Variants in RIMS2 observed in about 807,000 individuals in gnomAD.
RIMS2 encodes the protein regulating synaptic membrane exocytosis protein 2.
Under a neutral mutation model 174.4 loss-of-function variants are expected in RIMS2, and 59 were observed. The ratio of observed to expected loss-of-function variants is 0.34; its 90% CI spans 0.27 to 0.42. The LOEUF is 0.42. Among genes scored for constraint, RIMS2 ranks in the 10% least tolerant of loss-of-function variants. The pLI is 1.00. For missense variants in RIMS2, 1,620 were observed against 1,666.3 expected (o/e 0.97, Z 0.48); for synonymous variants, 606 against 572.5 (o/e 1.06, Z -0.84).
At chr8:103,777,097 A>T (rs2098326670) in intron 3 of RIMS2, among the ~76,000 whole-genome samples, 1 of 152,118 alleles carries the variant, frequency 6.6e-6, no homozygotes, top group African/African-American at 2.4e-5. Flanking sequence ...TGCAACAGTC[A>T]TGTGTATCTT....
intron 17 of RIMS2, among the ~76,000 whole-genome samples, chr8:104,009,235 C>T (rs892690655): frequency 2.7e-5 from 4 of 150,868 alleles, no homozygotes; most frequent in African/African-American, 9.7e-5. Context: ...CAGTTAACGC[C>T]CAGAAAATCT....
chr8:104,120,673 C>G (rs1295283082), intron 19 of RIMS2, among the ~76,000 whole-genome samples: 1 of 151,930 alleles, frequency 6.6e-6, no homozygotes, highest in Non-Finnish European at 1.5e-5. Context: ...ACTTCTTAGA[C>G]AAGTTTTCTG....
At chr8:104,246,243 G>A (rs2140109389) in intron 20 of RIMS2, among the ~76,000 whole-genome samples, 2 of 152,342 alleles carry the variant, frequency 1.3e-5, no homozygotes, top group South Asian at 4.1e-4. Flanking sequence ...TAAGTCATAG[G>A]AGGGAGGGAG....
chr8:104,189,546 A>G (rs997227607), intron 19 of RIMS2, among the ~76,000 whole-genome samples: 3 of 148,604 alleles, frequency 2.0e-5, no homozygotes, highest in African/African-American at 7.3e-5. Context: ...TAAACTGGAT[A>G]GAGAAAGAGA....
chr8:104,050,767 GAA>G (rs1040363262), intron 19 of RIMS2, among the ~76,000 whole-genome samples: 4 of 152,112 alleles, frequency 2.6e-5, no homozygotes, highest in Non-Finnish European at 5.9e-5. Context: ...GAGTTGAAAT[GAA>G]AGAGTACATT....
At chr8:104,222,781 G>A (rs1359097077) in intron 19 of RIMS2, among the ~76,000 whole-genome samples, 1 of 152,126 alleles carries the variant, frequency 6.6e-6, no homozygotes, top group African/African-American at 2.4e-5. Context: ...TAGCCATACT[G>A]GGTAGATTAT....
chr8:103,551,453 A>C (rs966199405), intron 1 of RIMS2, among the ~76,000 whole-genome samples: 1 of 152,162 alleles, frequency 6.6e-6, no homozygotes. Flanking sequence ...TGTATCTCAA[A>C]ATAATAAGAG....
At chr8:103,673,316 CA>C (rs1401141810) in intron 1 of RIMS2, among the ~76,000 whole-genome samples, 1 of 152,190 alleles carries the variant, frequency 6.6e-6, no homozygotes, top group Non-Finnish European at 1.5e-5. Flanking sequence ...GGCAGTGCCC[CA>C]GGGGGGACTC....
chr8:104,014,551 T>C, exon 19 of RIMS2: 1 of 1,613,260 alleles, frequency 6.2e-7, no homozygotes, highest in South Asian at 1.1e-5. Context: ...CATCAAGTAC[T>C]CCAGTCGCAG....
At chr8:103,812,280 T>C (rs1341151956) in intron 3 of RIMS2, among the ~76,000 whole-genome samples, 2 of 151,964 alleles carry the variant, frequency 1.3e-5, no homozygotes, top group Non-Finnish European at 1.5e-5. Flanking sequence ...GAATGTATTG[T>C]ATGGTTCATC....
At chr8:104,122,858 A>G (rs570144472) in intron 19 of RIMS2, among the ~76,000 whole-genome samples, 7 of 152,300 alleles carry the variant, frequency 4.6e-5, no homozygotes, top group African/African-American at 1.4e-4. Flanking sequence ...CTATTACACT[A>G]TGTACTTTCT....
At chr8:103,588,361 A>G (rs1038611405) in intron 1 of RIMS2, among the ~76,000 whole-genome samples, 9 of 151,974 alleles carry the variant, frequency 5.9e-5, no homozygotes, top group African/African-American at 2.2e-4. Context: ...ATTCAAGGCA[A>G]TCCCTTTCAA....
chr8:103,699,579 T>C (rs2097145564), intron 2 of RIMS2, among the ~76,000 whole-genome samples: 1 of 152,120 alleles, frequency 6.6e-6, no homozygotes, highest in South Asian at 2.1e-4. Context: ...TCTGCTTTGA[T>C]CTTTTTTTCT....
intron 1 of RIMS2, among the ~76,000 whole-genome samples, chr8:103,637,024 C>G (rs1475897310): frequency 6.6e-6 from 1 of 152,170 alleles, no homozygotes; most frequent in African/African-American, 2.4e-5. Flanking sequence ...AAGACCCAAA[C>G]TAGAAGGCTC....
chr8:103,674,315 G>A (rs752272291), intron 1 of RIMS2, among the ~76,000 whole-genome samples: 1 of 151,940 alleles, frequency 6.6e-6, no homozygotes, highest in Admixed American at 6.6e-5. Context: ...TCATTTTCAG[G>A]TATCTTTATA....
intron 19 of RIMS2, among the ~76,000 whole-genome samples, chr8:104,083,780 G>C (rs1299623696): frequency 6.6e-6 from 1 of 151,926 alleles, no homozygotes; most frequent in Non-Finnish European, 1.5e-5. Context: ...TATATGTAAG[G>C]GTCTGAGAAA....
intron 1 of RIMS2, among the ~76,000 whole-genome samples, chr8:103,547,789 A>G (rs1303616147): frequency 6.6e-6 from 1 of 152,186 alleles, no homozygotes; most frequent in Non-Finnish European, 1.5e-5. Flanking sequence ...AAAAAGAGAG[A>G]ACATCCAAAT....
chr8:104,252,021 C>T, downstream of RIMS2: 1 of 576,990 alleles, frequency 1.7e-6, no homozygotes, highest in East Asian at 2.8e-5. Flanking sequence ...AAGAGCAGAG[C>T]TGTGAAGAAC....
intron 3 of RIMS2, among the ~76,000 whole-genome samples, chr8:103,786,928 C>G (rs13279374): frequency 0.38 from 57,475 of 149,862 alleles, 11,450 homozygotes; most frequent in African/African-American, 0.43. Flanking sequence ...AGGTCACTCA[C>G]GACTTGCTCT....
Sources: allele counts gnomAD v4.1 joint callset (sites outside exome capture counted in the v4.1 genomes callset), GRCh38; gene constraint gnomAD v4.1.1; transcripts MANE v1.5; gene names NCBI Gene and HGNC (gene_info 2026-07-23, HGNC 2026-07-21).